Variants in ELAPOR1 observed in about 807,000 individuals in gnomAD.
ELAPOR1 encodes endosome-lysosome associated apoptosis and autophagy regulator 1.
Under a neutral mutation model 119.7 loss-of-function variants are expected in ELAPOR1, and 77 were observed. The observed-to-expected ratio is 0.64, with a 90% CI of 0.54 to 0.78. The LOEUF is 0.78. Among genes scored for constraint, ELAPOR1 ranks in the 30% least tolerant of loss-of-function variants. The pLI, the probability that ELAPOR1 is intolerant of heterozygous loss-of-function variation, is 0.00. For synonymous variants in ELAPOR1, 481 were observed against 487.2 expected (o/e 0.99, Z 0.17); for missense variants, 1,115 against 1,270.4 (o/e 0.88, Z 1.86).
chr1:109,132,458 T>A (rs1558021054), intron 1 of ELAPOR1, among the ~76,000 whole-genome samples: 1 of 152,182 alleles, frequency 6.6e-6, no homozygotes, highest in Non-Finnish European at 1.5e-5. Flanking sequence ...CCAGGCATTA[T>A]TTATAGAGAG....
At chr1:109,173,916 C>A in intron 7 of ELAPOR1, 79 bp downstream of exon 7, 2 of 1,485,692 alleles carry the variant, frequency 1.3e-6, no homozygotes, top group Non-Finnish European at 1.8e-6. Flanking sequence ...GGGAATAGAG[C>A]CATCCTTCTG....
At chr1:109,195,533 CA>C (rs943044042) in intron 15 of ELAPOR1, among the ~76,000 whole-genome samples, 2 of 151,220 alleles carry the variant, frequency 1.3e-5, no homozygotes, top group African/African-American at 2.4e-5. Context: ...ACAAAACAAA[CA>C]AAAAAAACCC....
At chr1:109,190,650 C>G (rs1024449986) in intron 11 of ELAPOR1, among the ~76,000 whole-genome samples, 4 of 152,142 alleles carry the variant, frequency 2.6e-5, no homozygotes, top group African/African-American at 9.7e-5. Context: ...GGTGAGCAAA[C>G]TTTTTAGGCT....
Position 109,189,094 on chromosome 1 carries a change from A to T in ELAPOR1, c.1248A>T (p.Glu416Asp). The stretch of plus-strand genomic sequence containing the variant: ...GTACCCGCTGCCCTGCAGGGACTGA[A>T]CCTGCTGTGGGATTTGAATACAAAT... ...SDCTRCPAGTEPAVGFEYKWW... is the reference protein window; with the variant it reads ...SDCTRCPAGTDPAVGFEYKWW... Residue 416 changes from glutamate (E) to aspartate (D), a missense_variant, in exon 10 of 22, where the codon GAA becomes GAT. Physicochemically the swap from Glu to Asp is conservative, Grantham distance 45 (BLOSUM62 2). Transcript: ENST00000369939. 6.2e-7 allele frequency: 1 copy of T among 1,613,900 alleles called. No individual in the cohort carries two copies. The highest frequency in any genetic ancestry group is 8.5e-7 in the Non-Finnish European group (1 of 1,179,920).
intron 2 of ELAPOR1, among the ~76,000 whole-genome samples, chr1:109,164,200 C>T (rs900590585): frequency 1.4e-4 from 21 of 152,132 alleles, no homozygotes; most frequent in Admixed American, 1.3e-3. Flanking sequence ...AATCTCTCCC[C>T]AGGCCCCTCC....
At chr1:109,115,701 T>TG (rs955635327) in intron 1 of ELAPOR1, among the ~76,000 whole-genome samples, 3 of 152,092 alleles carry the variant, frequency 2.0e-5, no homozygotes, top group Admixed American at 6.5e-5. Flanking sequence ...AAGTCAGGTG[T>TG]GGGGGGGAGG....
intron 1 of ELAPOR1, among the ~76,000 whole-genome samples, chr1:109,157,922 C>G (rs1650981102): frequency 6.6e-6 from 1 of 152,232 alleles, no homozygotes; most frequent in African/African-American, 2.4e-5. Context: ...GGGTCTCACT[C>G]TGTCATCTGG....
At chr1:109,137,975 G>A (rs1346372213) in intron 1 of ELAPOR1, among the ~76,000 whole-genome samples, 1 of 152,220 alleles carries the variant, frequency 6.6e-6, no homozygotes. Context: ...GGTCAAGTTA[G>A]CTGAGGCCTA....
At position 109,114,177 on chromosome 1, in the gene ELAPOR1, C is replaced by A. The variant is rs774375998; in HGVS notation, c.-7C>A. ...AGCCGCTACTGCCGCTCACTCAGGA[C>A]AACGCTATGGCTGAGCCTGGGCACA... On this transcript the variant is annotated 5_prime_UTR_variant, in exon 1 of 22. Coordinates refer to ENST00000369939, the MANE Select transcript of ELAPOR1 (RefSeq NM_020775.5). 6.3e-7 allele frequency: 1 copy of A among 1,582,390 alleles called. No individual in the cohort carries two copies. Among genetic ancestry groups the A allele is most frequent in the Non-Finnish European group, 8.6e-7 (1 of 1,164,136 alleles).
chr1:109,192,609 A>G lies in ELAPOR1; in HGVS notation c.1684-2A>G. On this transcript the variant is annotated splice_acceptor_variant, in intron 13 of 21. Transcript: ENST00000369939. LOFTEE classifies it high-confidence loss of function. ...TCTCCCCTCTTGTTTCCTTGTCTCC[A>G]GAGCAGGAAGTACACCAATGACGTT... The G allele has an allele frequency of 6.2e-7, 1 of 1,613,780 alleles. No homozygotes were observed.
intron 17 of ELAPOR1, among the ~76,000 whole-genome samples, 183 bp downstream of exon 17, chr1:109,198,258 C>T (rs1250909938): frequency 6.6e-6 from 1 of 152,202 alleles, no homozygotes; most frequent in Non-Finnish European, 1.5e-5. Context: ...CTGGATATTA[C>T]TGGAGCAGAT....
intron 1 of ELAPOR1, among the ~76,000 whole-genome samples, chr1:109,156,590 T>C (rs1650888456): frequency 6.6e-6 from 1 of 152,260 alleles, no homozygotes; most frequent in South Asian, 2.1e-4. Context: ...CATTTGTCTT[T>C]ATGACTGGCT....
At chr1:109,167,047 T>C (rs1347968744) in intron 3 of ELAPOR1, among the ~76,000 whole-genome samples, 2 of 152,176 alleles carry the variant, frequency 1.3e-5, no homozygotes, top group Non-Finnish European at 2.9e-5. Flanking sequence ...AGCATGACAA[T>C]ACTGGAGGCA....
Position 109,161,964 on chromosome 1 carries a change from C to T in ELAPOR1, c.224C>T (p.Thr75Ile). Reference protein sequence around the residue: ...GSRWRVAVPHTPGLCTSLPDP... With the variant: ...GSRWRVAVPHIPGLCTSLPDP... ...AGGTGGAGGGTCGCCGTGCCGCATACCCCGGGCCTGTGCACCAGCCTGCCT... is the reference window on the plus strand; with the variant it reads ...AGGTGGAGGGTCGCCGTGCCGCATATCCCGGGCCTGTGCACCAGCCTGCCT... Residue 75 changes from threonine to isoleucine, a missense_variant, in exon 2 of 22, where the codon ACC (threonine) becomes ATC (isoleucine). Physicochemically the swap from Thr to Ile is moderately conservative, Grantham distance 89. Coordinates refer to ENST00000369939, the MANE Select transcript of ELAPOR1 (RefSeq NM_020775.5). 1.2e-6 allele frequency: 2 copies of T among 1,613,982 alleles called. No homozygotes were observed. Among genetic ancestry groups the T allele is most frequent in the Non-Finnish European group, 1.7e-6 (2 of 1,179,856 alleles).
At chr1:109,130,672 T>A (rs1031975215) in intron 1 of ELAPOR1, among the ~76,000 whole-genome samples, 2 of 151,870 alleles carry the variant, frequency 1.3e-5, no homozygotes, top group East Asian at 3.9e-4. Context: ...AAAAATAGAG[T>A]TATTAACCTT....
rs1157918989 is a variant in ELAPOR1, at chr1:109,202,952, T to A, written c.2982T>A (p.Pro994=). 1.2e-6 allele frequency: 2 copies of A among 1,613,892 alleles called. No individual in the cohort carries two copies. Among genetic ancestry groups the A allele is most frequent in the East Asian group, 2.2e-5 (1 of 44,856 alleles). The change falls in exon 22 of 22, where the codon CCT becomes CCA. Residue 994 remains proline (P), a synonymous_variant. Transcript: ENST00000369939. ...CACCATCTCTCTTTCAGAGGACTCC[T>A]GATGGATTTGACTCAGTGCCGCTGA... The part of the protein sequence containing the change: ...KIKSFTSKRT[P]DGFDSVPLKT...
At chr1:109,129,556 A>C (rs1233225738) in intron 1 of ELAPOR1, among the ~76,000 whole-genome samples, 2 of 152,092 alleles carry the variant, frequency 1.3e-5, no homozygotes, top group Non-Finnish European at 2.9e-5. Context: ...CACGCAAAAA[A>C]CCCAACTTTG....
At chr1:109,123,280 C>T (rs1420172139) in intron 1 of ELAPOR1, among the ~76,000 whole-genome samples, 1 of 152,156 alleles carries the variant, frequency 6.6e-6, no homozygotes, top group Non-Finnish European at 1.5e-5. Flanking sequence ...TACAAATAAC[C>T]AACCACTCCA....
At chr1:109,172,896 A>C (rs1652005137) in intron 5 of ELAPOR1, among the ~76,000 whole-genome samples, 1 of 151,982 alleles carries the variant, frequency 6.6e-6, no homozygotes, top group African/African-American at 2.4e-5. Context: ...GGAGTTCGAG[A>C]CCAGCCTGAC....
Sources: gnomAD v4.1 joint callset for allele counts (sites outside exome capture counted in the v4.1 genomes callset) on GRCh38, gnomAD v4.1.1 for gene constraint, MANE v1.5 for transcripts, NCBI Gene and HGNC (gene_info 2026-07-23, HGNC 2026-07-21) for gene names.